The following GAN variants were observed in gnomAD, a reference collection of about 807,000 sequenced individuals.
GAN encodes epididymis secretory sperm binding protein.
A neutral mutation model predicts 71.3 loss-of-function variants in GAN; 48 were observed. That is an observed-to-expected ratio of 0.67 (90% CI 0.53 to 0.86). The LOEUF (loss-of-function observed/expected upper bound fraction) is 0.86. GAN is among the 40% of genes least tolerant of loss of function. The pLI, the probability that GAN is intolerant of heterozygous loss-of-function variation, is 0.00. For missense variants in GAN, 928 were observed against 770.1 expected (o/e 1.21, Z -2.43); for synonymous variants, 386 against 276.8 (o/e 1.39, Z -3.92).
At chr16:81,333,857 G>C (rs897345703) in intron 1 of GAN, among the ~76,000 whole-genome samples, 9 of 152,268 alleles carry the variant, frequency 5.9e-5, no homozygotes, top group Middle Eastern at 3.4e-3. Context: ...CTGCATTCCT[G>C]CCTGGTCCAG....
chr16:81,355,436 C>G (rs1250794439), intron 3 of GAN, among the ~76,000 whole-genome samples: 1 of 152,214 alleles, frequency 6.6e-6, no homozygotes, highest in Non-Finnish European at 1.5e-5. Context: ...ACGATCATAG[C>G]TCACTGCAGT....
intron 1 of GAN, among the ~76,000 whole-genome samples, chr16:81,328,965 A>G (rs1909480688): frequency 6.6e-6 from 1 of 152,166 alleles, no homozygotes; most frequent in Non-Finnish European, 1.5e-5. Context: ...GCAGGTTGTA[A>G]TTTGTCACCG....
At chr16:81,330,224 C>T (rs892133347) in intron 1 of GAN, among the ~76,000 whole-genome samples, 7 of 152,192 alleles carry the variant, frequency 4.6e-5, no homozygotes, top group Non-Finnish European at 7.4e-5. Flanking sequence ...ACACTGCTGC[C>T]GCCAGAGTGA....
intron 1 of GAN, among the ~76,000 whole-genome samples, chr16:81,337,395 G>C (rs1396618155): frequency 2.6e-5 from 4 of 152,144 alleles, no homozygotes; most frequent in African/African-American, 9.7e-5. Flanking sequence ...ATGTTTCCTT[G>C]CTTTTATTGG....
chr16:81,347,071 A>C (rs918559853), intron 1 of GAN, among the ~76,000 whole-genome samples: 4 of 152,226 alleles, frequency 2.6e-5, no homozygotes, highest in Non-Finnish European at 5.9e-5. Context: ...TCTGCTGCCA[A>C]AAAGATTATA....
At chr16:81,334,013 T>C (rs985579243) in intron 1 of GAN, among the ~76,000 whole-genome samples, 2 of 152,252 alleles carry the variant, frequency 1.3e-5, no homozygotes, top group African/African-American at 2.4e-5. Flanking sequence ...ACACTTGCCA[T>C]GTTCTCTTTT....
At chr16:81,332,546 A>G (rs1039722718) in intron 1 of GAN, among the ~76,000 whole-genome samples, 14 of 152,192 alleles carry the variant, frequency 9.2e-5, no homozygotes, top group South Asian at 4.1e-4. Flanking sequence ...GCAAGTGCTC[A>G]GCCAACCTGA....
Position 81,365,274 on chromosome 16 carries a change from C to T in GAN, c.1374-76C>T. 3.8e-6 allele frequency: 6 copies of T among 1,598,550 alleles called. No homozygotes were observed. In the South Asian group the frequency reaches 6.6e-5, roughly 18 times the overall value. On this transcript the variant is annotated intron_variant, in intron 8 of 10. Coordinates refer to ENST00000648994, the MANE Select transcript of GAN (RefSeq NM_022041.4). ...ACGTAGTAATGCTGCAGAGTTAAACCAGCATAAGAGGAACGCGGGAGTGAG... is the reference window on the plus strand; with the variant it reads ...ACGTAGTAATGCTGCAGAGTTAAACTAGCATAAGAGGAACGCGGGAGTGAG...
chr16:81,371,267 C>G (rs1911028568), intron 9 of GAN, among the ~76,000 whole-genome samples: 1 of 152,126 alleles, frequency 6.6e-6, no homozygotes, highest in African/African-American at 2.4e-5. Context: ...TGTTCAAGTC[C>G]TTGCCTGTTA....
intron 2 of GAN, among the ~76,000 whole-genome samples, chr16:81,353,609 C>G (rs531155505): frequency 3.9e-5 from 6 of 152,274 alleles, no homozygotes; most frequent in African/African-American, 1.4e-4. Flanking sequence ...CTCATGAAGT[C>G]TCCCTTGCAT....
rs773225397 is a variant in GAN, at chr16:81,362,591, G to A, written c.1066G>A (p.Ala356Thr). ...KYDPDANTWT[A>T]LPPMNEARHN... ...TGATCCAGATGCAAATACATGGACA[G>A]CATTGCCACCTATGAACGAGGTAAA... is the stretch of plus-strand genomic sequence containing the variant. The change falls in exon 6 of 11, where the codon GCA becomes ACA. Residue 356 changes from alanine to threonine, a missense_variant. Coordinates refer to ENST00000648994, the MANE Select transcript of GAN (RefSeq NM_022041.4). 3.2e-6 allele frequency: 5 copies of A among 1,565,820 alleles called. No homozygotes were observed. Among genetic ancestry groups the A allele is most frequent in the Admixed American group, 1.7e-5 (1 of 59,966 alleles).
rs199967914 is a variant in GAN at position 81,363,853 on chromosome 16, G to A, written c.1146G>A (p.Glu382=). The change falls in exon 7 of 11, where the codon GAG becomes GAA. Residue 382 remains glutamate, a synonymous_variant. Coordinates refer to ENST00000648994, the MANE Select transcript of GAN (RefSeq NM_022041.4). ...GGATGCTGTACATTTTGGGAGGAGA[G>A]GATGGTGAAAAGGAGCTGATTTCCA... is the stretch of plus-strand genomic sequence containing the variant. The part of the protein sequence containing the change: ...IDGMLYILGG[E]DGEKELISME... 2 of 1,612,004 alleles carry A rather than the reference G, an allele frequency of 1.2e-6. No homozygotes were observed. Among genetic ancestry groups the A allele is most frequent in the African/African-American group, 1.3e-5 (1 of 74,990 alleles).
intron 2 of GAN, among the ~76,000 whole-genome samples, chr16:81,352,253 C>T (rs892286310): frequency 6.6e-6 from 1 of 152,206 alleles, no homozygotes; most frequent in Non-Finnish European, 1.5e-5. Flanking sequence ...CACCCTTATT[C>T]TCTCTTCCCT....
At chr16:81,333,074 C>A (rs78512206) in intron 1 of GAN, among the ~76,000 whole-genome samples, 3,204 of 152,026 alleles carry the variant, frequency 0.021, 57 homozygotes, top group East Asian at 0.081. Context: ...CCCATCTCTA[C>A]CAAAAATACA....
chr16:81,364,795 A>T (rs1177617330), intron 7 of GAN, among the ~76,000 whole-genome samples, 179 bp from the exon 8 acceptor site: 1 of 152,230 alleles, frequency 6.6e-6, no homozygotes, highest in Non-Finnish European at 1.5e-5. Context: ...TATGTGTCTT[A>T]CTTTGCTCTT....
chr16:81,359,381 C>T (rs1282800249), intron 5 of GAN, among the ~76,000 whole-genome samples: 1 of 150,244 alleles, frequency 6.7e-6, no homozygotes, highest in African/African-American at 2.4e-5. Context: ...TTGAGGAGGT[C>T]CTTCCGTTTG....
At chr16:81,337,440 A>T (rs1278018152) in intron 1 of GAN, among the ~76,000 whole-genome samples, 2 of 152,226 alleles carry the variant, frequency 1.3e-5, no homozygotes, top group East Asian at 3.8e-4. Context: ...AAGAAAAGTC[A>T]CTTAGACTTA....
At chr16:81,329,930 C>G (rs1177032947) in intron 1 of GAN, among the ~76,000 whole-genome samples, 2 of 152,222 alleles carry the variant, frequency 1.3e-5, no homozygotes, top group Non-Finnish European at 1.5e-5. Flanking sequence ...AGCTCCCTCC[C>G]CCAGCCAGTG....
At position 81,378,532 on chromosome 16, in the gene GAN, C is replaced by G. The variant is rs552774303; in HGVS notation, c.*936C>G. ...ACAAAAAAGCTATCCAGACAAAATA[C>G]ATAGGGATCAGAAACTTTTTCATAT... On this transcript the variant is annotated 3_prime_UTR_variant, in exon 11 of 11. Transcript: ENST00000648994. The G allele has an allele frequency of 6.6e-6, 1 of 152,400 alleles. No homozygotes were observed. Among genetic ancestry groups the G allele is most frequent in the East Asian group, 1.9e-4 (1 of 5,190 alleles). 9.4% of individuals were successfully genotyped at this position (152,400 alleles called of 1,614,324 possible).
Sources: gnomAD v4.1 joint callset for allele counts (sites outside exome capture counted in the v4.1 genomes callset) on GRCh38, gnomAD v4.1.1 for gene constraint, MANE v1.5 for transcripts, NCBI Gene and HGNC (gene_info 2026-07-23, HGNC 2026-07-21) for gene names.